LSM14A: variants seen among roughly 807,000 people sequenced by gnomAD.
LSM14A encodes protein LSM14 homolog A.
Under a neutral mutation model 52.4 loss-of-function variants are expected in LSM14A, and 14 were observed. The ratio of observed to expected loss-of-function variants is 0.27; its 90% CI spans 0.18 to 0.42. The LOEUF (loss-of-function observed/expected upper bound fraction) is 0.42, where lower values mean the gene tolerates loss of function less well. LSM14A is among the 10% of genes least tolerant of loss of function. The probability of loss-of-function intolerance (pLI) is 1.00; values close to 1 mark genes in which losing one functional copy is unlikely to be tolerated. For synonymous variants in LSM14A, 185 were observed against 200.3 expected (o/e 0.92, Z 0.64); for missense variants, 417 against 581.8 (o/e 0.72, Z 2.91).
chr19:34,207,222 A>G (rs1302516712), intron 3 of LSM14A, among the ~76,000 whole-genome samples: 1 of 152,196 alleles, frequency 6.6e-6, no homozygotes, highest in Non-Finnish European at 1.5e-5. Context: ...TAACCATTGA[A>G]TGCGTAATCC....
intron 6 of LSM14A, among the ~76,000 whole-genome samples, chr19:34,217,605 TC>T (rs371434451): frequency 0.28 from 15,223 of 55,090 alleles, 3,167 homozygotes; most frequent in Admixed American, 0.35. Context: ...TATTTTTATA[TC>T]CCCCCCCCCC....
chr19:34,219,272 A>C, intron 6 of LSM14A, 119 bp from the exon 7 acceptor site: 1 of 552,110 alleles, frequency 1.8e-6, no homozygotes. Flanking sequence ...AAATATATAG[A>C]GAGACCTGTA....
chr19:34,180,827 A>C (rs1025339839), intron 1 of LSM14A, among the ~76,000 whole-genome samples: 6 of 152,182 alleles, frequency 3.9e-5, no homozygotes, highest in African/African-American at 1.4e-4. Context: ...GCCTCACTCT[A>C]AATTTATGTT....
chr19:34,218,096 C>G (rs1004115156), intron 6 of LSM14A, among the ~76,000 whole-genome samples: 1 of 151,112 alleles, frequency 6.6e-6, no homozygotes, highest in Non-Finnish European at 1.5e-5. Context: ...CTTTGCCTCC[C>G]GGGTTCAAGC....
intron 6 of LSM14A, among the ~76,000 whole-genome samples, chr19:34,217,993 CTTTTTTTTTTTT>C (rs56321625): frequency 2.8e-5 from 3 of 108,150 alleles, no homozygotes; most frequent in South Asian, 3.0e-4. Flanking sequence ...TACCCAAAAC[CTTTTTTTTTTTT>C]TTTTTTTTTC....
chr19:34,223,520 G>A (rs980869987), intron 9 of LSM14A, among the ~76,000 whole-genome samples: 2 of 152,172 alleles, frequency 1.3e-5, no homozygotes, highest in African/African-American at 4.8e-5. Flanking sequence ...TCTCAGCTCT[G>A]CCTCCTCCCA....
At chr19:34,213,844 G>A (rs994760903) in intron 4 of LSM14A, among the ~76,000 whole-genome samples, 5 of 152,150 alleles carry the variant, frequency 3.3e-5, no homozygotes, top group Admixed American at 2.0e-4. Flanking sequence ...GCAGTGGACC[G>A]ATCTCGGCTC....
At chr19:34,216,192 TCACGAGGTCAGGAG>T (rs1329208337) in intron 6 of LSM14A, among the ~76,000 whole-genome samples, 1 of 152,036 alleles carries the variant, frequency 6.6e-6, no homozygotes, top group East Asian at 1.9e-4. Context: ...GGCGGGCGGA[TCACGAGGTCAGGAG>T]CTCGAGACCA....
chr19:34,220,934 C>T (rs2073016419), intron 8 of LSM14A, among the ~76,000 whole-genome samples: 1 of 152,062 alleles, frequency 6.6e-6, no homozygotes, highest in African/African-American at 2.4e-5. Context: ...TCTGAATTTC[C>T]ATTATTTTGG....
chr19:34,224,224 C>T (rs1354429716), intron 9 of LSM14A, among the ~76,000 whole-genome samples: 1 of 152,004 alleles, frequency 6.6e-6, no homozygotes, highest in Non-Finnish European at 1.5e-5. Flanking sequence ...CCCAGCTACT[C>T]GGGAGGCTGA....
chr19:34,207,532 AT>A (rs1316686200), intron 3 of LSM14A, among the ~76,000 whole-genome samples: 2,002 of 136,082 alleles, frequency 0.015, 13 homozygotes, highest in Middle Eastern at 0.019. Flanking sequence ...CTGAAGCCAC[AT>A]TTTTTTTTTT....
chr19:34,192,091 AC>A (rs529466963), intron 1 of LSM14A, among the ~76,000 whole-genome samples: 80 of 152,160 alleles, frequency 5.3e-4, no homozygotes, highest in Non-Finnish European at 9.9e-4. Flanking sequence ...CTCATTCTGT[AC>A]CTGAATGATA....
At chr19:34,223,715 G>A (rs1274868015) in intron 9 of LSM14A, among the ~76,000 whole-genome samples, 1 of 152,184 alleles carries the variant, frequency 6.6e-6, no homozygotes, top group African/African-American at 2.4e-5. Flanking sequence ...AACAACCTGT[G>A]ACAACTCCTT....
chr19:34,187,598 G>A (rs969612178), intron 1 of LSM14A, among the ~76,000 whole-genome samples: 1 of 152,176 alleles, frequency 6.6e-6, no homozygotes, highest in East Asian at 1.9e-4. Flanking sequence ...CCTGGAAAAT[G>A]TTAATAGTGT....
chr19:34,172,505 GCGGAGC>G lies in LSM14A; in HGVS notation c.-134_-129del. The G allele has an allele frequency of 4.0e-6, 4 of 1,005,580 alleles. No individual in the cohort carries two copies. The highest frequency in any genetic ancestry group is 5.1e-6 in the Non-Finnish European group (4 of 780,760). 62.3% of individuals were successfully genotyped at this position (1,005,580 alleles called of 1,614,324 possible). ...GAGGGCGGGAGGCTGGGGGAGGGTA[GCGGAGC>G]CGGCGCCGCCGCCATGTTGGGTCTG... On this transcript the variant is annotated 5_prime_UTR_variant, in exon 1 of 10. Transcript: ENST00000544216.
chr19:34,209,143 C>A, intron 4 of LSM14A, 92 bp downstream of exon 4: 3 of 1,105,934 alleles, frequency 2.7e-6, no homozygotes, highest in South Asian at 2.2e-5. Flanking sequence ...GCTTGTAAAT[C>A]GCGTGTATAA....
chr19:34,221,207 C>T (rs1048750421), intron 8 of LSM14A: 2 of 331,286 alleles, frequency 6.0e-6, no homozygotes, highest in Non-Finnish European at 1.1e-5. Flanking sequence ...CTCAACCCCC[C>T]AAGTAGCTGG....
At chr19:34,174,674 T>C (rs2068957254) in intron 1 of LSM14A, among the ~76,000 whole-genome samples, 1 of 152,258 alleles carries the variant, frequency 6.6e-6, no homozygotes, top group African/African-American at 2.4e-5. Flanking sequence ...ATACAATAGT[T>C]ACTTAGCTGT....
rs1599730143 is a variant in LSM14A at position 34,227,729 on chromosome 19, T to C, written c.*341T>C. 1.2e-5 allele frequency: 3 copies of C among 242,588 alleles called. No individual in the cohort carries two copies. In the East Asian group the frequency reaches 3.0e-4, roughly 24 times the overall value. The allele number at this position is 242,588 out of a possible 1,614,324, so 15.0% of individuals were successfully genotyped here. A position where few individuals can be genotyped will look rare whatever the true frequency, so the allele number is the denominator to read the frequency against. On this transcript the variant is annotated 3_prime_UTR_variant, in exon 10 of 10. Transcript: ENST00000544216. ...TTTTTTTTTTTATCACTAAATTGTATTTGGCAATTGCAAGTTGCCTGCAGA... is the reference window on the plus strand; with the variant it reads ...TTTTTTTTTTTATCACTAAATTGTACTTGGCAATTGCAAGTTGCCTGCAGA...
Sources: gnomAD v4.1 joint callset for allele counts (sites outside exome capture counted in the v4.1 genomes callset) on GRCh38, gnomAD v4.1.1 for gene constraint, MANE v1.5 for transcripts, NCBI Gene and HGNC (gene_info 2026-07-23, HGNC 2026-07-21) for gene names.